QRFP: variants seen among roughly 807,000 people sequenced by gnomAD.
QRFP encodes the protein pyroglutamylated RFamide peptide.
A neutral mutation model predicts 9.1 loss-of-function variants in QRFP; 7 were observed. The ratio of observed to expected loss-of-function variants is 0.77; its 90% CI spans 0.44 to 1.45. The LOEUF (loss-of-function observed/expected upper bound fraction) is 1.45. QRFP is among the 40% of genes most tolerant of loss of function. The pLI, the probability that QRFP is intolerant of heterozygous loss-of-function variation, is 0.01. For synonymous variants in QRFP, 91 were observed against 80.2 expected (o/e 1.13, Z -0.72); for missense variants, 204 against 185.4 (o/e 1.10, Z -0.58).
Position 130,893,396 on chromosome 9 carries a change from A to G in QRFP, c.*32T>C. Reference sequence around the variant, plus strand: ...AGTGAAGACAATGGGGGTGAGTCCAAGAAGCAAATCCTTCCAAGGCGTCCT... The same window carrying G: ...AGTGAAGACAATGGGGGTGAGTCCAGGAAGCAAATCCTTCCAAGGCGTCCT... On this transcript the variant is annotated 3_prime_UTR_variant, in exon 3 of 3. Transcript: ENST00000623824. The G allele has an allele frequency of 6.5e-7, 1 of 1,535,684 alleles. No homozygotes were observed. The highest frequency in any genetic ancestry group is 8.8e-7 in the Non-Finnish European group (1 of 1,138,564).
At chr9:130,895,427 G>A (rs931889752) in intron 2 of QRFP, among the ~76,000 whole-genome samples, 5 of 152,192 alleles carry the variant, frequency 3.3e-5, no homozygotes, top group Admixed American at 1.3e-4. Context: ...TGCTCATCAC[G>A]GGACAGGCGG....
chr9:130,895,403 G>C (rs113532932), intron 2 of QRFP, among the ~76,000 whole-genome samples: 7 of 152,336 alleles, frequency 4.6e-5, no homozygotes, highest in African/African-American at 9.6e-5. Context: ...CAAGAATCTG[G>C]TAGAAAGTGG....
intron 2 of QRFP, among the ~76,000 whole-genome samples, chr9:130,894,175 G>A (rs540489803): frequency 2.0e-5 from 3 of 152,282 alleles, no homozygotes; most frequent in Non-Finnish European, 2.9e-5. Flanking sequence ...ATTATAAAAT[G>A]GCCATATCAT....
In QRFP at chr9:130,893,782, G is replaced by C. The variant is rs3847193; in HGVS notation, c.57C>G (p.Phe19Leu). ...YFLFLPLGAC[F>L]PLLDRREPTD... ...TGGGCTCTCTTCTGTCCAGTAGAGG[G>C]AAGCAGGCGCCCAGCGGCAGGAAGA... The change falls in exon 3 of 3, where the codon TTC (phenylalanine) becomes TTG (leucine). Residue 19 changes from phenylalanine (F) to leucine (L), a missense_variant. Coordinates refer to ENST00000623824, the MANE Select transcript of QRFP (RefSeq NM_198180.3). The C allele has an allele frequency of 1.3e-6, 2 of 1,570,456 alleles. No individual in the cohort carries two copies. Among genetic ancestry groups the C allele is most frequent in the Non-Finnish European group, 1.7e-6 (2 of 1,159,422 alleles).
intron 2 of QRFP, among the ~76,000 whole-genome samples, 169 bp downstream of exon 2, chr9:130,895,528 C>T (rs1048524249): frequency 6.6e-6 from 1 of 152,228 alleles, no homozygotes; most frequent in South Asian, 2.1e-4. Flanking sequence ...GCAGGGCAGC[C>T]GTGACCAATC....
intron 2 of QRFP, among the ~76,000 whole-genome samples, chr9:130,894,627 G>T (rs1057427614): frequency 6.6e-6 from 1 of 152,158 alleles, no homozygotes; most frequent in African/African-American, 2.4e-5. Context: ...ATATCTGCTA[G>T]GTACTCCCAA....
chr9:130,896,184 G>T (rs919936228), intron 1 of QRFP, among the ~76,000 whole-genome samples: 1 of 152,186 alleles, frequency 6.6e-6, no homozygotes, highest in African/African-American at 2.4e-5. Flanking sequence ...GCTTTCATGG[G>T]CAGGAAAGCC....
Position 130,893,703 on chromosome 9 carries a change from C to A in QRFP, c.136G>T (p.Gly46Trp), listed in dbSNP as rs1482351607. The part of the protein sequence containing the change: ...AGERWADLAM[G>W]PRPHSVWGSS... ...CCCCACACGGAGTGGGGTCGGGGCC[C>A]CATGGCCAGGTCGGCCCAGCGTTCT... Residue 46 changes from glycine to tryptophan, a missense_variant, in exon 3 of 3, where the codon GGG becomes TGG. Coordinates refer to ENST00000623824, the MANE Select transcript of QRFP (RefSeq NM_198180.3). 1.9e-6 allele frequency: 3 copies of A among 1,610,406 alleles called. No homozygotes were observed. Among genetic ancestry groups the A allele is most frequent in the Non-Finnish European group, 2.5e-6 (3 of 1,178,376 alleles).
rs1831709487 is a variant in QRFP at position 130,893,266 on chromosome 9, TC to T, written c.*161del. On this transcript the variant is annotated 3_prime_UTR_variant, in exon 3 of 3. Coordinates refer to ENST00000623824, the MANE Select transcript of QRFP (RefSeq NM_198180.3). ...TTTTTCGCTTCAGCAAAGTTGGAAATCAAAAGTAAGCACACACCTAACCTGT... is the reference window on the plus strand; with the variant it reads ...TTTTTCGCTTCAGCAAAGTTGGAAATAAAAGTAAGCACACACCTAACCTGT... 1.4e-6 allele frequency: 1 copy of T among 730,692 alleles called. No individual in the cohort carries two copies. Among genetic ancestry groups the T allele is most frequent in the Non-Finnish European group, 2.1e-6 (1 of 487,692 alleles). The allele number at this position is 730,692 out of a possible 1,614,324, so 45.3% of individuals were successfully genotyped here.
chr9:130,892,931 A>G lies in QRFP; in HGVS notation c.*497T>C, dbSNP rs1831702784. On this transcript the variant is annotated 3_prime_UTR_variant, in exon 3 of 3. Coordinates refer to ENST00000623824, the MANE Select transcript of QRFP (RefSeq NM_198180.3). ...GCCAGGGGGATCTTGTGCTCATGGC[A>G]TGGAGAAGGGGATCGGGTTCTTTTT... 6.6e-6 allele frequency: 1 copy of G among 152,416 alleles called. No individual in the cohort carries two copies. The highest frequency in any genetic ancestry group is 2.4e-5 in the African/African-American group (1 of 41,460). 9.4% of individuals were successfully genotyped at this position (152,416 alleles called of 1,614,324 possible).
In QRFP at chr9:130,893,296, A is replaced by C; in HGVS notation, c.*132T>G. ...AGTAAGCACACACCTAACCTGTCCT[A>C]CCATGGATCGTTCATCGTAACCAAG... On this transcript the variant is annotated 3_prime_UTR_variant, in exon 3 of 3. Transcript: ENST00000623824. 9.8e-7 allele frequency: 1 copy of C among 1,021,658 alleles called. No individual in the cohort carries two copies. The highest frequency in any genetic ancestry group is 1.4e-6 in the Non-Finnish European group (1 of 697,150). 63.3% of individuals were successfully genotyped at this position (1,021,658 alleles called of 1,614,324 possible). A position where few individuals can be genotyped will look rare whatever the true frequency, so the allele number is the denominator to read the frequency against.
intron 2 of QRFP, among the ~76,000 whole-genome samples, chr9:130,894,252 G>A (rs995331561): frequency 2.0e-5 from 3 of 152,192 alleles, no homozygotes; most frequent in Non-Finnish European, 2.9e-5. Context: ...ATAATAAATG[G>A]GTCTAGCTAT....
intron 1 of QRFP, among the ~76,000 whole-genome samples, chr9:130,896,237 G>A (rs915823505): frequency 1.3e-5 from 2 of 152,190 alleles, no homozygotes; most frequent in African/African-American, 2.4e-5. Context: ...ACCGGGCTGC[G>A]CGGCTAAGCC....
chr9:130,894,463 C>A (rs1484318176), intron 2 of QRFP, among the ~76,000 whole-genome samples: 1 of 152,186 alleles, frequency 6.6e-6, no homozygotes, highest in Admixed American at 6.5e-5. Flanking sequence ...ACTTCATCTT[C>A]ATAGTACTCC....
At chr9:130,896,360 C>G (rs746519336) in intron 1 of QRFP, among the ~76,000 whole-genome samples, 7 of 152,216 alleles carry the variant, frequency 4.6e-5, no homozygotes, top group Non-Finnish European at 8.8e-5. Flanking sequence ...TGGCCCCCAG[C>G]CCCTCCCACC....
chr9:130,894,974 A>G (rs1831737478), intron 2 of QRFP, among the ~76,000 whole-genome samples: 1 of 152,140 alleles, frequency 6.6e-6, no homozygotes, highest in African/African-American at 2.4e-5. Flanking sequence ...AGAAGACAGT[A>G]CAGGAGTCCC....
Position 130,893,112 on chromosome 9 carries a change from CAT to C in QRFP, c.*314_*315del. 3.7e-6 allele frequency: 1 copy of C among 269,634 alleles called. No individual in the cohort carries two copies. The highest frequency in any genetic ancestry group is 6.9e-6 in the Non-Finnish European group (1 of 144,050). The allele number at this position is 269,634 out of a possible 1,614,324, so 16.7% of individuals were successfully genotyped here. A position where few individuals can be genotyped will look rare whatever the true frequency, so the allele number is the denominator to read the frequency against. Reference sequence around the variant, plus strand: ...GCTGCCTCGCTCTGCTATTCACACTCATGGCCCAGCCACAGCCTCAGCTCCGT... The same window carrying C: ...GCTGCCTCGCTCTGCTATTCACACTCGGCCCAGCCACAGCCTCAGCTCCGT... On this transcript the variant is annotated 3_prime_UTR_variant, in exon 3 of 3. Transcript: ENST00000623824.
chr9:130,893,399 A>C lies in QRFP; in HGVS notation c.*29T>G. On this transcript the variant is annotated 3_prime_UTR_variant, in exon 3 of 3. Transcript: ENST00000623824. ...GAAGACAATGGGGGTGAGTCCAAGAAGCAAATCCTTCCAAGGCGTCCTGGC... is the reference window on the plus strand; with the variant it reads ...GAAGACAATGGGGGTGAGTCCAAGACGCAAATCCTTCCAAGGCGTCCTGGC... The C allele has an allele frequency of 6.5e-7, 1 of 1,539,386 alleles. No homozygotes were observed. Among genetic ancestry groups the C allele is most frequent in the Non-Finnish European group, 8.8e-7 (1 of 1,140,052 alleles).
chr9:130,892,720 A>G lies in QRFP; in HGVS notation c.*708T>C, dbSNP rs555203898. On this transcript the variant is annotated 3_prime_UTR_variant, in exon 3 of 3. Transcript: ENST00000623824. ...ATTCCAGTATGGTTTTGCAGTTGTC[A>G]CAACTTTTATTTGAAAAGATACACA... 1 of 152,352 alleles carries G rather than the reference A, an allele frequency of 6.6e-6. No homozygotes were observed. The highest frequency in any genetic ancestry group is 1.9e-4 in the East Asian group (1 of 5,188). 9.4% of individuals were successfully genotyped at this position (152,352 alleles called of 1,614,324 possible).
Sources: allele counts gnomAD v4.1 joint callset (sites outside exome capture counted in the v4.1 genomes callset), GRCh38; gene constraint gnomAD v4.1.1; transcripts MANE v1.5; gene names NCBI Gene and HGNC (gene_info 2026-07-23, HGNC 2026-07-21).